KIF1B: variants seen among roughly 807,000 people sequenced by gnomAD.
The protein encoded by KIF1B is kinesin-like protein KIF1B.
KIF1B carries 76 observed loss-of-function variants against 241.9 expected under a neutral mutation model. The ratio of observed to expected loss-of-function variants is 0.31; its 90% CI spans 0.26 to 0.38. The LOEUF (loss-of-function observed/expected upper bound fraction) is 0.38, where lower values mean the gene tolerates loss of function less well. Among genes scored for constraint, KIF1B ranks in the 10% least tolerant of loss-of-function variants. The pLI is 1.00. For missense variants in KIF1B, 1,622 were observed against 2,271.4 expected (o/e 0.71, Z 5.81); for synonymous variants, 750 against 796.7 (o/e 0.94, Z 0.99).
chr1:10,283,927 C>T (rs1048067915), intron 15 of KIF1B, among the ~76,000 whole-genome samples: 1 of 152,226 alleles, frequency 6.6e-6, no homozygotes, highest in Admixed American at 6.5e-5. Context: ...AACTCTTTAA[C>T]ACTAAAGTGA....
chr1:10,323,501 A>T (rs1419588216), intron 24 of KIF1B, among the ~76,000 whole-genome samples: 2 of 152,130 alleles, frequency 1.3e-5, no homozygotes, highest in Non-Finnish European at 2.9e-5. Flanking sequence ...GCATGCCTGT[A>T]GTCCCAGGTA....
intron 2 of KIF1B, among the ~76,000 whole-genome samples, chr1:10,241,402 C>T (rs1481328420): frequency 6.6e-6 from 1 of 152,096 alleles, no homozygotes; most frequent in Non-Finnish European, 1.5e-5. Context: ...CCATGCCAAG[C>T]CTGTGGTTAG....
At chr1:10,287,319 C>T (rs2102240976) in intron 15 of KIF1B, among the ~76,000 whole-genome samples, 1 of 152,288 alleles carries the variant, frequency 6.6e-6, no homozygotes, top group East Asian at 1.9e-4. Flanking sequence ...GCTTCAGCCT[C>T]CCAAGTAACT....
At chr1:10,309,205 C>G (rs1011539809) in intron 22 of KIF1B, among the ~76,000 whole-genome samples, 1 of 152,186 alleles carries the variant, frequency 6.6e-6, no homozygotes, top group Non-Finnish European at 1.5e-5. Context: ...GGATAGAATA[C>G]AAAATCCACA....
chr1:10,247,770 A>G (rs969744342), intron 2 of KIF1B, among the ~76,000 whole-genome samples: 5 of 152,182 alleles, frequency 3.3e-5, no homozygotes, highest in African/African-American at 1.2e-4. Context: ...TAAAGCCTCT[A>G]CAGCAGTGGT....
chr1:10,313,815 G>A lies in KIF1B; in HGVS notation c.2116-6228G>A, dbSNP rs963661369. ...TCTGCCCACCTTGGCCTCCCAAAGT[G>A]TTGAGATTACAGGCGTGAGCCACCG... On this transcript the variant is annotated intron_variant, in intron 22 of 48. Coordinates refer to ENST00000676179, the MANE Select transcript of KIF1B (RefSeq NM_001365951.3). Among the ~76,000 whole-genome samples, 6 of 151,380 alleles carry A rather than the reference G, an allele frequency of 4.0e-5. No individual in the cohort carries two copies. The East Asian group carries it at 9.6e-4, about 24-fold the overall frequency.
chr1:10,356,358 C>G (rs1449675567), intron 38 of KIF1B, among the ~76,000 whole-genome samples: 1 of 151,784 alleles, frequency 6.6e-6, no homozygotes, highest in African/African-American at 2.4e-5. Context: ...GAGCGAGACT[C>G]TGTCTCGAAA....
intron 22 of KIF1B, among the ~76,000 whole-genome samples, chr1:10,302,245 T>A (rs1419400207): frequency 6.6e-6 from 1 of 152,082 alleles, no homozygotes; most frequent in Non-Finnish European, 1.5e-5. Context: ...ATTTTGGAGG[T>A]GAGGTCTTTA....
chr1:10,376,691 G>A lies in KIF1B; in HGVS notation c.*104G>A, dbSNP rs962869391. 8.5e-7 allele frequency: 1 copy of A among 1,173,452 alleles called. No homozygotes were observed. 72.7% of individuals were successfully genotyped at this position (1,173,452 alleles called of 1,614,324 possible). ...CGGTGACTCTTGTATGTAATCCTGT[G>A]GCTTAACTACTTCTCCCTCCTTGTC... On this transcript the variant is annotated 3_prime_UTR_variant, in exon 49 of 49. Coordinates refer to ENST00000676179, the MANE Select transcript of KIF1B (RefSeq NM_001365951.3).
intron 2 of KIF1B, among the ~76,000 whole-genome samples, chr1:10,250,604 T>C (rs1452814457): frequency 2.0e-5 from 3 of 152,170 alleles, no homozygotes; most frequent in East Asian, 3.8e-4. Flanking sequence ...GGAAAGAGGA[T>C]TGCTTGAGCC....
chr1:10,371,372 G>A, intron 45 of KIF1B, 110 bp downstream of exon 45: 1 of 1,339,082 alleles, frequency 7.5e-7, no homozygotes, highest in Admixed American at 1.9e-5. Flanking sequence ...TCCCTAGGCA[G>A]CATTTGGAAA....
At position 10,352,614 on chromosome 1, in the gene KIF1B, T is replaced by C. The variant is rs763307144; in HGVS notation, c.3950-17T>C. On this transcript the variant is annotated splice_polypyrimidine_tract_variant and intron_variant, in intron 37 of 48. Coordinates refer to ENST00000676179, the MANE Select transcript of KIF1B (RefSeq NM_001365951.3). ...TCAAATGTGTCCGTGCTCTGTTTTTTTTATCCTTTCTTTTAGGTCGTATTC... is the reference window on the plus strand; with the variant it reads ...TCAAATGTGTCCGTGCTCTGTTTTTCTTATCCTTTCTTTTAGGTCGTATTC... 12 of 1,602,804 alleles carry C rather than the reference T, an allele frequency of 7.5e-6. No individual in the cohort carries two copies. The highest frequency in any genetic ancestry group is 1.0e-5 in the Non-Finnish European group (12 of 1,169,810).
chr1:10,352,667 C>T lies in KIF1B; in HGVS notation c.3986C>T (p.Ala1329Val), dbSNP rs1340756944. The T allele has an allele frequency of 6.2e-7, 1 of 1,613,974 alleles. No individual in the cohort carries two copies. The change falls in exon 38 of 49, where the codon GCA (alanine) becomes GTA (valine). Residue 1329 changes from alanine to valine, a missense_variant. Coordinates refer to ENST00000676179, the MANE Select transcript of KIF1B (RefSeq NM_001365951.3). ...AATAAGCCTGAGGTGGATGAAGCTG[C>T]AGTTGATGCCATCCTCTCCCTAAAT... ...IRNKPEVDEA[A>V]VDAILSLNII...
At chr1:10,219,601 C>G (rs1022967075) in intron 1 of KIF1B, among the ~76,000 whole-genome samples, 4 of 144,768 alleles carry the variant, frequency 2.8e-5, no homozygotes, top group East Asian at 2.1e-4. Flanking sequence ...ACTAAAAATA[C>G]AAAAAAATCA....
At chr1:10,212,929 T>TATAC (rs1168767131) in intron 1 of KIF1B, among the ~76,000 whole-genome samples, 9 of 80,822 alleles carry the variant, frequency 1.1e-4, no homozygotes, top group East Asian at 1.0e-3. Flanking sequence ...TATATATATA[T>TATAC]ATACACACAC....
At chr1:10,212,314 G>A (rs1435846293) in intron 1 of KIF1B, among the ~76,000 whole-genome samples, 1 of 152,208 alleles carries the variant, frequency 6.6e-6, no homozygotes, top group African/African-American at 2.4e-5. Flanking sequence ...TTCTGATTAA[G>A]TTGATATGGT....
chr1:10,264,953 GC>G (rs1648367397), intron 5 of KIF1B, among the ~76,000 whole-genome samples: 1 of 151,960 alleles, frequency 6.6e-6, no homozygotes, highest in Non-Finnish European at 1.5e-5. Context: ...GAGCCACTGC[GC>G]CCGGCCTTTT....
At chr1:10,295,254 C>T (rs916667297) in intron 18 of KIF1B, 89 bp downstream of exon 18, 6 of 835,102 alleles carry the variant, frequency 7.2e-6, no homozygotes, top group African/African-American at 5.0e-5. Flanking sequence ...AAAAAATTAA[C>T]GTAATGATTT....
chr1:10,347,442 A>C (rs1652628271), intron 35 of KIF1B, among the ~76,000 whole-genome samples: 1 of 152,250 alleles, frequency 6.6e-6, no homozygotes, highest in Non-Finnish European at 1.5e-5. Context: ...GAATCTTAAA[A>C]AAAACTATAG....
Sources: gnomAD v4.1 joint callset for allele counts (sites outside exome capture counted in the v4.1 genomes callset) on GRCh38, gnomAD v4.1.1 for gene constraint, MANE v1.5 for transcripts, NCBI Gene and HGNC (gene_info 2026-07-23, HGNC 2026-07-21) for gene names.